TNNI3K: variants seen among roughly 807,000 people sequenced by gnomAD.
The protein encoded by TNNI3K is TNNI3 interacting kinase.
In TNNI3K, 140 loss-of-function variants were observed where a neutral mutation model predicts 114.5. That is an observed-to-expected ratio of 1.22 (90% CI 1.07 to 1.41). TNNI3K has a LOEUF of 1.41. Ranked by LOEUF, TNNI3K falls within the 40% of genes most tolerant of loss-of-function variation. The probability of loss-of-function intolerance (pLI) is 0.00; values close to 1 mark genes in which losing one functional copy is unlikely to be tolerated. For missense variants in TNNI3K, 1,125 were observed against 1,007.6 expected (o/e 1.12, Z -1.58); for synonymous variants, 347 against 347.5 (o/e 1.00, Z 0.02).
In TNNI3K at chr1:74,250,632, C is replaced by G. The variant is rs1421583124; in HGVS notation, c.236-40C>G. 1.9e-6 allele frequency: 3 copies of G among 1,585,282 alleles called. No homozygotes were observed. The Admixed American group carries it at 5.3e-5, about 28-fold the overall frequency. On this transcript the variant is annotated intron_variant, in intron 3 of 24. Coordinates refer to ENST00000326637, the MANE Select transcript of TNNI3K (RefSeq NM_015978.3). The stretch of plus-strand genomic sequence containing the variant: ...AAAAAGAGTCTCAAACTCACCCCAT[C>G]CCCACAATGATTTAGCCTTTTTTCA...
chr1:74,317,060 T>C (rs1165213813), intron 5 of TNNI3K, among the ~76,000 whole-genome samples: 2 of 152,180 alleles, frequency 1.3e-5, no homozygotes, highest in Non-Finnish European at 2.9e-5. Flanking sequence ...TTTATTTCCT[T>C]TTCTTTACTG....
intron 18 of TNNI3K, 94 bp downstream of exon 18, chr1:74,436,226 C>A: frequency 6.7e-7 from 1 of 1,495,212 alleles, no homozygotes; most frequent in Non-Finnish European, 9.2e-7. Flanking sequence ...ACACTGAACA[C>A]TGACAGCTAT....
chr1:74,436,145 A>G lies in TNNI3K; in HGVS notation c.1825+13A>G. ...GCAGATTTTGGAGGTGAGATACCCCAAAATGGCATCCTTTTTTTCTTTGTT... is the reference window on the plus strand; with the variant it reads ...GCAGATTTTGGAGGTGAGATACCCCGAAATGGCATCCTTTTTTTCTTTGTT... On this transcript the variant is annotated intron_variant, in intron 18 of 24. Coordinates refer to ENST00000326637, the MANE Select transcript of TNNI3K (RefSeq NM_015978.3). 6.2e-7 allele frequency: 1 copy of G among 1,611,306 alleles called. No individual in the cohort carries two copies. Among genetic ancestry groups the G allele is most frequent in the Non-Finnish European group, 8.5e-7 (1 of 1,178,890 alleles).
chr1:74,535,988 T>G (rs1302272641), intron 23 of TNNI3K, among the ~76,000 whole-genome samples: 1 of 152,196 alleles, frequency 6.6e-6, no homozygotes, highest in Non-Finnish European at 1.5e-5. Context: ...AGAATGATTT[T>G]CTTTTCTTAA....
At chr1:74,419,086 C>T (rs1261713736) in intron 17 of TNNI3K, among the ~76,000 whole-genome samples, 1 of 152,010 alleles carries the variant, frequency 6.6e-6, no homozygotes, top group Admixed American at 6.6e-5. Context: ...GGAAGTTATT[C>T]TTTCACTGTC....
rs1017572680 is a variant in TNNI3K, at chr1:74,437,470, G to A, written c.1878+944G>A. Among the ~76,000 whole-genome samples, 4 of 152,046 alleles carry A rather than the reference G, an allele frequency of 2.6e-5. No individual in the cohort carries two copies. In the South Asian group the frequency reaches 8.3e-4, roughly 31 times the overall value. ...AAAGCAGAGTAAATGAATGGAGAGT[G>A]ATGAGGTTGACATTTAGATAGGATG... is the stretch of plus-strand genomic sequence containing the variant. On this transcript the variant is annotated intron_variant, in intron 19 of 24. Transcript: ENST00000326637.
chr1:74,519,098 G>T (rs1646395185), intron 23 of TNNI3K, among the ~76,000 whole-genome samples: 1 of 92,610 alleles, frequency 1.1e-5, no homozygotes, highest in Non-Finnish European at 1.9e-5. Context: ...TGATCTCATT[G>T]TTCAATTCCC....
rs902640697 is a variant in TNNI3K, at chr1:74,446,858, C to T, written c.2011+7236C>T. 1.1e-3 allele frequency among the ~76,000 whole-genome samples: 162 copies of T among 146,516 alleles called. 1 individual carries two copies. The highest frequency in any genetic ancestry group is 3.3e-3 in the African/African-American group (130 of 39,602). ...CAAAGATCAGATAGTTGTAGGTATG[C>T]GGCGTTAATTCTGAGGGCTCTGTTC... On this transcript the variant is annotated intron_variant, in intron 20 of 24. Transcript: ENST00000326637.
chr1:74,415,814 TA>T (rs546957191), intron 17 of TNNI3K, among the ~76,000 whole-genome samples: 1 of 152,274 alleles, frequency 6.6e-6, no homozygotes, highest in East Asian at 1.9e-4. Context: ...TATATTTTTA[TA>T]AATTATTGTT....
chr1:74,350,655 C>T (rs4529659), intron 9 of TNNI3K, among the ~76,000 whole-genome samples: 151,759 of 152,096 alleles, frequency 1, 75,713 homozygotes, highest in Middle Eastern at 1. Context: ...TGCTCCTGTA[C>T]TGGGTGCATA....
chr1:74,320,140 C>T, intron 5 of TNNI3K, among the ~76,000 whole-genome samples: 1 of 152,124 alleles, frequency 6.6e-6, no homozygotes, highest in East Asian at 1.9e-4. Flanking sequence ...TATTATTTAG[C>T]CACCCTGTAT....
chr1:74,373,939 A>T (rs1662742398), intron 17 of TNNI3K: 1 of 151,938 alleles, frequency 6.6e-6, no homozygotes, highest in South Asian at 2.1e-4. Flanking sequence ...TCTCATGGAT[A>T]CCAAAGTCTG....
At chr1:74,312,942 A>T (rs1338622167) in intron 5 of TNNI3K, among the ~76,000 whole-genome samples, 1 of 152,168 alleles carries the variant, frequency 6.6e-6, no homozygotes, top group East Asian at 1.9e-4. Flanking sequence ...CAATGCGGCC[A>T]CCTGAGCTCC....
At chr1:74,479,510 G>A (rs1409587159) in intron 21 of TNNI3K, among the ~76,000 whole-genome samples, 2 of 152,210 alleles carry the variant, frequency 1.3e-5, no homozygotes, top group Non-Finnish European at 2.9e-5. Context: ...CCAAGGCACA[G>A]AGAAGTTAGA....
At chr1:74,360,966 G>A (rs1661934063) in intron 11 of TNNI3K, among the ~76,000 whole-genome samples, 1 of 151,984 alleles carries the variant, frequency 6.6e-6, no homozygotes, top group Admixed American at 6.6e-5. Context: ...ATTCATGCTT[G>A]TTGAAATCAG....
At chr1:74,395,090 G>C (rs190122082) in intron 17 of TNNI3K, among the ~76,000 whole-genome samples, 2 of 151,698 alleles carry the variant, frequency 1.3e-5, no homozygotes, top group East Asian at 3.9e-4. Flanking sequence ...CACAACAACT[G>C]ATAGGTGACA....
intron 7 of TNNI3K, among the ~76,000 whole-genome samples, chr1:74,342,624 T>G (rs143102210): frequency 2.3e-4 from 35 of 152,198 alleles, no homozygotes; most frequent in African/African-American, 8.2e-4. Flanking sequence ...ATAGAATTTA[T>G]GGAAGCTAGA....
chr1:74,342,929 G>A lies in TNNI3K; in HGVS notation c.770G>A (p.Ser257Asn), dbSNP rs1387729729. 2.5e-6 allele frequency: 4 copies of A among 1,613,798 alleles called. No individual in the cohort carries two copies. Among genetic ancestry groups the A allele is most frequent in the Non-Finnish European group, 3.4e-6 (4 of 1,179,934 alleles). ...GATATAGTTAAGTATCTGCTGCAAA[G>A]TGATTTGGAAGTTCAACCTCATGTT... ...HHDIVKYLLQ[S>N]DLEVQPHVVN... is the part of the protein sequence containing the mutation. The change falls in exon 8 of 25, where the codon AGT (serine) becomes AAT (asparagine). Residue 257 changes from serine to asparagine, a missense_variant. Physicochemically the swap from Ser to Asn is conservative, Grantham distance 46. Transcript: ENST00000326637.
At chr1:74,421,167 G>A (rs916851148) in intron 17 of TNNI3K, among the ~76,000 whole-genome samples, 31 of 152,200 alleles carry the variant, frequency 2.0e-4, no homozygotes, top group African/African-American at 7.2e-4. Context: ...GGCTCTTCCT[G>A]ATATTTGACA....
Sources: allele counts gnomAD v4.1 joint callset (sites outside exome capture counted in the v4.1 genomes callset), GRCh38; gene constraint gnomAD v4.1.1; transcripts MANE v1.5; gene names NCBI Gene and HGNC (gene_info 2026-07-23, HGNC 2026-07-21).